The following SLC25A13 variants were observed in gnomAD, a reference collection of about 807,000 sequenced individuals.
SLC25A13 encodes the protein electrogenic aspartate/glutamate antiporter SLC25A13, mitochondrial.
In SLC25A13, 70 loss-of-function variants were observed where a neutral mutation model predicts 85.5. The ratio of observed to expected loss-of-function variants is 0.82; its 90% confidence interval spans 0.68 to 1.00. SLC25A13 has a LOEUF of 1.00. SLC25A13 is among the 50% of genes least tolerant of loss of function. SLC25A13 has a pLI of 0.00. For missense variants in SLC25A13, 765 were observed against 819.8 expected (o/e 0.93, Z 0.82); for synonymous variants, 259 against 288.7 (o/e 0.90, Z 1.04).
intron 5 of SLC25A13, among the ~76,000 whole-genome samples, chr7:96,194,149 C>A (rs542080047): frequency 6.6e-6 from 1 of 151,954 alleles, no homozygotes; most frequent in Non-Finnish European, 1.5e-5. Context: ...TAAAAAGTAA[C>A]ACCAGCCAGA....
At chr7:96,257,471 T>C (rs910974449) in intron 3 of SLC25A13, among the ~76,000 whole-genome samples, 1 of 152,140 alleles carries the variant, frequency 6.6e-6, no homozygotes, top group Non-Finnish European at 1.5e-5. Context: ...CTAGAAGAAA[T>C]GGATAAATTC....
At chr7:96,300,920 C>T (rs1012711847) in intron 1 of SLC25A13, among the ~76,000 whole-genome samples, 2 of 152,194 alleles carry the variant, frequency 1.3e-5, no homozygotes, top group African/African-American at 4.8e-5. Context: ...TCCATTTATA[C>T]TGCTACCTCC....
chr7:96,237,613 G>C (rs1023377304), intron 3 of SLC25A13, among the ~76,000 whole-genome samples: 5 of 152,192 alleles, frequency 3.3e-5, no homozygotes, highest in Non-Finnish European at 7.3e-5. Context: ...TTAAAGGAGA[G>C]ATGAGATGTG....
chr7:96,170,670 A>G (rs961479361), intron 12 of SLC25A13, among the ~76,000 whole-genome samples: 1 of 152,238 alleles, frequency 6.6e-6, no homozygotes, highest in African/African-American at 2.4e-5. Flanking sequence ...ATGTAGTACA[A>G]GAAATTTTAA....
At chr7:96,310,961 T>A (rs777106946) in intron 1 of SLC25A13, among the ~76,000 whole-genome samples, 25 of 152,188 alleles carry the variant, frequency 1.6e-4, no homozygotes, top group Non-Finnish European at 1.5e-5. Context: ...ATGTTCTACA[T>A]CACCATTACC....
chr7:96,125,023 T>C (rs1791668008), intron 15 of SLC25A13, among the ~76,000 whole-genome samples: 1 of 152,146 alleles, frequency 6.6e-6, no homozygotes, highest in African/African-American at 2.4e-5. Context: ...AAGTCAGCAA[T>C]AATGGAGACC....
At chr7:96,163,934 A>G (rs1793630013) in intron 13 of SLC25A13, among the ~76,000 whole-genome samples, 1 of 152,242 alleles carries the variant, frequency 6.6e-6, no homozygotes, top group African/African-American at 2.4e-5. Context: ...GTTAAAAAGT[A>G]GACACCAGAA....
At chr7:96,291,452 GAC>G (rs1438385589) in intron 2 of SLC25A13, among the ~76,000 whole-genome samples, 2 of 152,148 alleles carry the variant, frequency 1.3e-5, no homozygotes, top group African/African-American at 4.8e-5. Flanking sequence ...AGGAGATGGA[GAC>G]ACAAAAAACC....
At position 96,203,046 on chromosome 7, in the gene SLC25A13, C is replaced by T. The variant is rs533491199; in HGVS notation, c.468+5792G>A. ...TTGGCTTAAAAAGCAACCAACCGGTCTCCCTCTCCTTGGTCACGTTCCTCT... is the reference window on the plus strand; with the variant it reads ...TTGGCTTAAAAAGCAACCAACCGGTTTCCCTCTCCTTGGTCACGTTCCTCT... On this transcript the variant is annotated intron_variant, in intron 5 of 17. Transcript: ENST00000265631. Among the ~76,000 whole-genome samples, 3 of 152,312 alleles carry T rather than the reference C, an allele frequency of 2.0e-5. No homozygotes were observed. In the South Asian group the frequency reaches 6.2e-4, roughly 32 times the overall value.
At chr7:96,262,951 G>C (rs1797911495) in intron 3 of SLC25A13, among the ~76,000 whole-genome samples, 1 of 143,952 alleles carries the variant, frequency 6.9e-6, no homozygotes, top group African/African-American at 2.6e-5. Flanking sequence ...GGTGGAAATT[G>C]TTAGCACCAG....
chr7:96,234,712 TAC>T, intron 4 of SLC25A13, 88 bp downstream of exon 4: 1 of 950,782 alleles, frequency 1.1e-6, no homozygotes. Context: ...AGAATTTCCA[TAC>T]ACTTTATTTT....
intron 13 of SLC25A13, among the ~76,000 whole-genome samples, chr7:96,154,815 T>A (rs79246426): frequency 1.3e-5 from 2 of 148,344 alleles, no homozygotes; most frequent in African/African-American, 2.5e-5. Context: ...TTTTTTTTTT[T>A]AAGACAGAGT....
rs751973213 is a variant in SLC25A13 at position 96,131,884 on chromosome 7, G to A, written c.1453-3C>T. ...CGCAGAAAGCATGCTTTGGCACCCT[G>A]CACATTTGCAAAGGAAGAAAAACCA... On this transcript the variant is annotated splice_polypyrimidine_tract_variant and splice_region_variant and intron_variant, in intron 14 of 17. Transcript: ENST00000265631. The A allele has an allele frequency of 5.0e-6, 8 of 1,613,694 alleles. No individual in the cohort carries two copies. In the Admixed American group the frequency reaches 1.3e-4, roughly 27 times the overall value.
intron 1 of SLC25A13, among the ~76,000 whole-genome samples, chr7:96,300,338 C>T (rs1413817153): frequency 6.6e-6 from 1 of 152,076 alleles, no homozygotes; most frequent in Non-Finnish European, 1.5e-5. Flanking sequence ...GACTTGGAGG[C>T]CCTGACCTCT....
intron 2 of SLC25A13, among the ~76,000 whole-genome samples, chr7:96,287,407 A>G (rs1278041688): frequency 6.6e-6 from 1 of 152,162 alleles, no homozygotes; most frequent in Non-Finnish European, 1.5e-5. Context: ...ACCCCAAGGG[A>G]AGAGAGTACT....
In SLC25A13 at chr7:96,126,726, G is replaced by A. The variant is rs543757366; in HGVS notation, c.1592-4729C>T. Among the ~76,000 whole-genome samples the A allele has an allele frequency of 1.2e-4, 19 of 152,260 alleles. No homozygotes were observed. In the Middle Eastern group the frequency reaches 0.01, roughly 82 times the overall value. ...GCTATTTCCTTTCTGCTGAGGGCCA[G>A]ATTAGCATTTTCTAGTGCCAATAAA... On this transcript the variant is annotated intron_variant, in intron 15 of 17. Transcript: ENST00000265631.
At chr7:96,250,228 A>T (rs571781310) in intron 3 of SLC25A13, among the ~76,000 whole-genome samples, 1 of 152,320 alleles carries the variant, frequency 6.6e-6, no homozygotes, top group South Asian at 2.1e-4. Context: ...CTGAATCAGA[A>T]AATCATAAGG....
chr7:96,221,288 C>T (rs1796119686), intron 4 of SLC25A13, among the ~76,000 whole-genome samples: 1 of 152,194 alleles, frequency 6.6e-6, no homozygotes, highest in Non-Finnish European at 1.5e-5. Flanking sequence ...ACTTTCAAAA[C>T]TCATACTGTT....
At chr7:96,189,913 T>C (rs1382888944) in intron 7 of SLC25A13, among the ~76,000 whole-genome samples, 1 of 152,152 alleles carries the variant, frequency 6.6e-6, no homozygotes, top group Non-Finnish European at 1.5e-5. Context: ...TCTGATGTTA[T>C]TCAAATTGCC....
Sources: gnomAD v4.1 joint callset for allele counts (sites outside exome capture counted in the v4.1 genomes callset) on GRCh38, gnomAD v4.1.1 for gene constraint, MANE v1.5 for transcripts, NCBI Gene and HGNC (gene_info 2026-07-23, HGNC 2026-07-21) for gene names.